RNF216: variants seen among roughly 807,000 people sequenced by gnomAD.
The protein encoded by RNF216 is E3 ubiquitin-protein ligase RNF216.
In RNF216, 72 loss-of-function variants were observed where a neutral mutation model predicts 110.8. The ratio of observed to expected loss-of-function variants is 0.65; its 90% confidence interval spans 0.54 to 0.79. RNF216 has a LOEUF of 0.79. Ranked by LOEUF, RNF216 falls within the 30% of genes least tolerant of loss-of-function variation. The pLI is 0.00. For missense variants in RNF216, 1,342 were observed against 1,141.2 expected, an observed-to-expected ratio of 1.18 and a Z score of -2.54; for synonymous variants, 495 against 407.5, an observed-to-expected ratio of 1.21 and a Z score of -2.59.
chr7:5,652,420 T>A lies in RNF216; in HGVS notation c.2152A>T (p.Thr718Ser). 1 of 1,609,234 alleles carries A rather than the reference T, an allele frequency of 6.2e-7. No individual in the cohort carries two copies. Among genetic ancestry groups the A allele is most frequent in the Non-Finnish European group, 8.5e-7 (1 of 1,175,630 alleles). ...LAEKDDIKYR[T>S]SIEEKMTAAR... ...CTGAATTCTGTTACTCACATAGAGG[T>A]ACGGTACTTGATGTCGTCTTTTTCA... Residue 718 changes from threonine to serine, a missense_variant, in exon 14 of 17, where the codon ACC (threonine) becomes TCC (serine). By Grantham distance (58) the Thr-to-Ser change is moderately conservative. Coordinates refer to ENST00000389902, the MANE Select transcript of RNF216 (RefSeq NM_207111.4).
intron 3 of RNF216, among the ~76,000 whole-genome samples, chr7:5,751,422 G>A (rs1795322251): frequency 6.6e-6 from 1 of 152,118 alleles, no homozygotes; most frequent in Non-Finnish European, 1.5e-5. Flanking sequence ...AACTCAAAAC[G>A]GAAGCATCCA....
chr7:5,766,390 C>CG (rs1237204371), intron 1 of RNF216, among the ~76,000 whole-genome samples: 4 of 152,154 alleles, frequency 2.6e-5, no homozygotes, highest in Non-Finnish European at 1.5e-5. Flanking sequence ...TATATTGAAG[C>CG]TCTGACCTCC....
chr7:5,760,513 T>TAA, intron 2 of RNF216: 1 of 304,728 alleles, frequency 3.3e-6, no homozygotes, highest in Non-Finnish European at 6.5e-6. Flanking sequence ...AAATTCCATC[T>TAA]CAAAAAAAGA....
intron 14 of RNF216, among the ~76,000 whole-genome samples, chr7:5,651,597 T>C (rs114103739): frequency 7.2e-4 from 109 of 152,052 alleles, no homozygotes; most frequent in African/African-American, 2.5e-3. Flanking sequence ...TAAGGCTAGA[T>C]TGTTATGAGA....
intron 2 of RNF216, 47 bp from the exon 3 acceptor site, chr7:5,753,026 C>T (rs201691738): frequency 1.6e-4 from 250 of 1,567,296 alleles, no homozygotes; most frequent in Non-Finnish European, 2.1e-4. Context: ...GGCACTATCA[C>T]ATCCAACTCT....
chr7:5,748,531 C>A (rs73064662), intron 3 of RNF216, among the ~76,000 whole-genome samples: 2 of 151,204 alleles, frequency 1.3e-5, no homozygotes, highest in Non-Finnish European at 2.9e-5. Flanking sequence ...CGTGAGCCAC[C>A]GTGTCCAGTT....
intron 7 of RNF216, among the ~76,000 whole-genome samples, chr7:5,728,676 G>A (rs1022641214): frequency 3.3e-5 from 5 of 152,192 alleles, no homozygotes; most frequent in African/African-American, 1.2e-4. Context: ...CCTTCCTACA[G>A]GTAAGACCCA....
At chr7:5,693,547 A>T (rs182606180) in intron 13 of RNF216, among the ~76,000 whole-genome samples, 1 of 152,362 alleles carries the variant, frequency 6.6e-6, no homozygotes, top group Non-Finnish European at 1.5e-5. Context: ...GGAACTAGCT[A>T]GGAAGAAGCC....
intron 3 of RNF216, among the ~76,000 whole-genome samples, chr7:5,749,117 A>G (rs1284548547): frequency 1.3e-5 from 2 of 151,324 alleles, no homozygotes; most frequent in Non-Finnish European, 2.9e-5. Flanking sequence ...TTTGGAAAAC[A>G]GCTGTGTTCT....
chr7:5,673,705 G>C (rs768141455), intron 13 of RNF216, among the ~76,000 whole-genome samples: 2 of 152,096 alleles, frequency 1.3e-5, no homozygotes, highest in Non-Finnish European at 2.9e-5. Flanking sequence ...GCATGACCTT[G>C]TCTCTACAAA....
rs142856516 is a variant in RNF216 at position 5,652,026 on chromosome 7, T to C, written c.2159+387A>G. Among the ~76,000 whole-genome samples the C allele has an allele frequency of 2.7e-4, 41 of 152,278 alleles. No homozygotes were observed. The East Asian group carries it at 7.5e-3, about 28-fold the overall frequency. On this transcript the variant is annotated intron_variant, in intron 14 of 16. Transcript: ENST00000389902. Reference sequence around the variant, plus strand: ...GTAATGGTTATTATTATCACAGGCGTATCATTTTGTATTCTGGAGGTGGGC... The same window carrying C: ...GTAATGGTTATTATTATCACAGGCGCATCATTTTGTATTCTGGAGGTGGGC...
At chr7:5,777,778 A>G (rs556679534) in intron 1 of RNF216, 1 of 152,400 alleles carries the variant, frequency 6.6e-6, no homozygotes, top group East Asian at 1.9e-4. Flanking sequence ...AACAGCTCTA[A>G]GAATCCTATT....
chr7:5,676,465 CGCTGGGGAACCCCACCGA>C (rs1790304484), intron 13 of RNF216, among the ~76,000 whole-genome samples: 1 of 152,086 alleles, frequency 6.6e-6, no homozygotes, highest in Admixed American at 6.5e-5. Flanking sequence ...TGAGAACTGT[CGCTGGGGAACCCCACCGA>C]GCTGCACCTG....
At chr7:5,742,915 A>G (rs1794843007) in intron 3 of RNF216, among the ~76,000 whole-genome samples, 1 of 151,970 alleles carries the variant, frequency 6.6e-6, no homozygotes, top group Admixed American at 6.6e-5. Flanking sequence ...AAATTCTTAT[A>G]CTATCATTTA....
At chr7:5,717,017 G>C (rs1162326943) in intron 9 of RNF216, among the ~76,000 whole-genome samples, 2 of 152,118 alleles carry the variant, frequency 1.3e-5, no homozygotes, top group Admixed American at 6.6e-5. Context: ...AAAACACTTT[G>C]AACAGCAAAG....
chr7:5,673,439 G>A (rs556120697), intron 13 of RNF216, among the ~76,000 whole-genome samples: 1 of 152,312 alleles, frequency 6.6e-6, no homozygotes, highest in South Asian at 2.1e-4. Context: ...AGAAGAAGGG[G>A]CCAGACTAAC....
Position 5,729,582 on chromosome 7 carries a change from G to T in RNF216, c.1239C>A (p.Asp413Glu), listed in dbSNP as rs766258569. ...SQDETKLPKI[D>E]FFDYSKLTPL... ...GGGTCAATTTAGAATAGTCAAAAAA[G>T]TCTATTTTAGGCAACTGAAATGAGA... Residue 413 changes from aspartate (D) to glutamate (E), a missense_variant, in exon 7 of 17, where the codon GAC (aspartate) becomes GAA (glutamate). Asp to Glu is a conservative substitution (Grantham distance 45). Coordinates refer to ENST00000389902, the MANE Select transcript of RNF216 (RefSeq NM_207111.4). The T allele has an allele frequency of 6.2e-7, 1 of 1,614,012 alleles. No individual in the cohort carries two copies. The highest frequency in any genetic ancestry group is 8.5e-7 in the Non-Finnish European group (1 of 1,179,910).
At chr7:5,756,290 C>T (rs1160656639) in intron 2 of RNF216, among the ~76,000 whole-genome samples, 1 of 152,174 alleles carries the variant, frequency 6.6e-6, no homozygotes, top group Non-Finnish European at 1.5e-5. Context: ...AACCTCTTTC[C>T]GTCATAAATT....
chr7:5,651,080 T>G (rs73338064), intron 14 of RNF216, among the ~76,000 whole-genome samples: 2,278 of 152,344 alleles, frequency 0.015, 50 homozygotes, highest in African/African-American at 0.052. Flanking sequence ...CCTGTATCAC[T>G]TATAACATAA....
Sources: allele counts gnomAD v4.1 joint callset (sites outside exome capture counted in the v4.1 genomes callset), GRCh38; gene constraint gnomAD v4.1.1; transcripts MANE v1.5; gene names NCBI Gene and HGNC (gene_info 2026-07-23, HGNC 2026-07-21).